CIBAR2: variants seen among roughly 807,000 people sequenced by gnomAD.
The protein encoded by CIBAR2 is CBY1 interacting BAR domain containing 2, also known as CBY1-interacting BAR domain-containing protein 2.
A neutral mutation model predicts 36.2 loss-of-function variants in CIBAR2; 38 were observed. That is an observed-to-expected ratio of 1.05 (90% CI 0.81 to 1.38). CIBAR2 has a LOEUF of 1.38. Among genes scored for constraint, CIBAR2 ranks in the 40% most tolerant of loss-of-function variants. The pLI is 0.00. For missense variants in CIBAR2, 481 were observed against 383.4 expected, an observed-to-expected ratio of 1.25 and a Z score of -2.13; for synonymous variants, 182 against 149.5, an observed-to-expected ratio of 1.22 and a Z score of -1.58.
intron 6 of CIBAR2, among the ~76,000 whole-genome samples, chr16:85,104,430 A>G (rs564736955): frequency 6.6e-6 from 1 of 152,302 alleles, no homozygotes; most frequent in South Asian, 2.1e-4. Flanking sequence ...TCCCTGGGGT[A>G]GGCGCGGTGG....
intron 2 of CIBAR2, among the ~76,000 whole-genome samples, chr16:85,109,997 C>T (rs2074027691): frequency 6.6e-6 from 1 of 152,180 alleles, no homozygotes; most frequent in African/African-American, 2.4e-5. Flanking sequence ...TCCTGGGTTT[C>T]CTTGCTTTGT....
At chr16:85,108,201 G>T in intron 2 of CIBAR2, 102 bp from the exon 3 acceptor site, 1 of 1,127,318 alleles carries the variant, frequency 8.9e-7, no homozygotes, top group Non-Finnish European at 1.3e-6. Flanking sequence ...CGTGTCCAGA[G>T]CTGTGCGGCG....
Position 85,098,897 on chromosome 16 carries a change from T to C in CIBAR2, c.*288A>G. The C allele has an allele frequency of 7.3e-6, 2 of 272,142 alleles. No homozygotes were observed. Among genetic ancestry groups the C allele is most frequent in the Non-Finnish European group, 1.3e-5 (2 of 152,776 alleles). 16.9% of individuals were successfully genotyped at this position (272,142 alleles called of 1,614,324 possible). On this transcript the variant is annotated 3_prime_UTR_variant, in exon 9 of 9. Transcript: ENST00000539556. ...GAGAGGCTAGGAGACTTTCCCAAGG[T>C]CACACCGCCGGGAGCAGTGGGCTCG...
chr16:85,105,208 G>A (rs556164001), intron 6 of CIBAR2, 119 bp downstream of exon 6: 20 of 639,968 alleles, frequency 3.1e-5, no homozygotes, highest in African/African-American at 2.5e-4. Context: ...GTGCTCACAC[G>A]TGTACACAGA....
At position 85,098,524 on chromosome 16, in the gene CIBAR2, T is replaced by C; in HGVS notation, c.*661A>G. On this transcript the variant is annotated 3_prime_UTR_variant, in exon 9 of 9. Transcript: ENST00000539556. The stretch of plus-strand genomic sequence containing the variant: ...GCACACAGCAGAGCCCACCTGAGGA[T>C]CCAAGGCCAGCTAAGTTCTTCTGAC... 1.0e-6 allele frequency: 1 copy of C among 986,172 alleles called. No homozygotes were observed. Among genetic ancestry groups the C allele is most frequent in the Non-Finnish European group, 1.2e-6 (1 of 830,214 alleles). 61.1% of individuals were successfully genotyped at this position (986,172 alleles called of 1,614,324 possible).
chr16:85,098,406 C>G lies in CIBAR2; in HGVS notation c.*779G>C, dbSNP rs545470078. ...AACACCTACTATATGCCAGGCACAG[C>G]GATCCCCCAGAGCAACCTGTGAAGT... On this transcript the variant is annotated 3_prime_UTR_variant, in exon 9 of 9. Transcript: ENST00000539556. 1 of 368,632 alleles carries G rather than the reference C, an allele frequency of 2.7e-6. No homozygotes were observed. The highest frequency in any genetic ancestry group is 1.6e-4 in the East Asian group (1 of 6,116). 22.8% of individuals were successfully genotyped at this position (368,632 alleles called of 1,614,324 possible). A position where few individuals can be genotyped will look rare whatever the true frequency, so the allele number is the denominator to read the frequency against.
intron 5 of CIBAR2, 123 bp downstream of exon 5, chr16:85,107,544 A>G (rs1361637887): frequency 5.4e-6 from 6 of 1,102,584 alleles, no homozygotes; most frequent in African/African-American, 3.1e-5. Context: ...GGCTTTCCCA[A>G]CCTGAGCGCA....
At chr16:85,108,231 C>G (rs553648975) in intron 2 of CIBAR2, 132 bp from the exon 3 acceptor site, 1 of 787,884 alleles carries the variant, frequency 1.3e-6, no homozygotes, top group African/African-American at 1.7e-5. Flanking sequence ...GCGCGAGGTG[C>G]CCTCCCTTTT....
chr16:85,111,975 G>A (rs2074046146), intron 1 of CIBAR2, among the ~76,000 whole-genome samples: 1 of 152,248 alleles, frequency 6.6e-6, no homozygotes, highest in Admixed American at 6.5e-5. Flanking sequence ...GATGGCATGG[G>A]CCGGGGCAGT....
Position 85,098,610 on chromosome 16 carries a change from G to C in CIBAR2, c.*575C>G, listed in dbSNP as rs113000572. 526 of 985,906 alleles carry C rather than the reference G, an allele frequency of 5.3e-4. 1 individual carries two copies. The African/African-American group carries it at 8.2e-3, about 15-fold the overall frequency. The allele number at this position is 985,906 out of a possible 1,614,324, so 61.1% of individuals were successfully genotyped here. A position where few individuals can be genotyped will look rare whatever the true frequency, so the allele number is the denominator to read the frequency against. ...CCAGTGCCCTGAGGTCCTCCACGGG[G>C]GCCTCCTCCATGGAGTTGTCCTCAC... is the stretch of plus-strand genomic sequence containing the variant. On this transcript the variant is annotated 3_prime_UTR_variant, in exon 9 of 9. Coordinates refer to ENST00000539556, the MANE Select transcript of CIBAR2 (RefSeq NM_198491.3).
chr16:85,107,137 A>ACTTTGTC (rs2074002364), intron 5 of CIBAR2, among the ~76,000 whole-genome samples: 1 of 151,414 alleles, frequency 6.6e-6, no homozygotes, highest in South Asian at 2.1e-4. Context: ...ACAGAGCGAG[A>ACTTTGTC]CTTTGTCTCT....
At position 85,112,218 on chromosome 16, in the gene CIBAR2, C is replaced by T. The variant is rs547668357; in HGVS notation, c.20+115G>A. 1.7e-5 allele frequency: 15 copies of T among 872,016 alleles called. No homozygotes were observed. In the East Asian group the frequency reaches 1.8e-4, roughly 10 times the overall value. The allele number at this position is 872,016 out of a possible 1,614,324, so 54.0% of individuals were successfully genotyped here. A position where few individuals can be genotyped will look rare whatever the true frequency, so the allele number is the denominator to read the frequency against. ...ACCGTGGGAGGGAGAGCTCCCCTCA[C>T]CCCCAACCCCCACCCCAAGCAGCAG... On this transcript the variant is annotated intron_variant, in intron 1 of 8. Coordinates refer to ENST00000539556, the MANE Select transcript of CIBAR2 (RefSeq NM_198491.3).
intron 7 of CIBAR2, among the ~76,000 whole-genome samples, chr16:85,101,677 G>GGT (rs112972314): frequency 7.1e-6 from 1 of 139,906 alleles, no homozygotes; most frequent in Non-Finnish European, 1.5e-5. Flanking sequence ...TTTTGTTTTT[G>GGT]TTTTTTTTTT....
At position 85,098,896 on chromosome 16, in the gene CIBAR2, G is replaced by T; in HGVS notation, c.*289C>A. 1 of 271,090 alleles carries T rather than the reference G, an allele frequency of 3.7e-6. No individual in the cohort carries two copies. The highest frequency in any genetic ancestry group is 6.6e-6 in the Non-Finnish European group (1 of 152,092). The allele number at this position is 271,090 out of a possible 1,614,324, so 16.8% of individuals were successfully genotyped here. On this transcript the variant is annotated 3_prime_UTR_variant, in exon 9 of 9. Coordinates refer to ENST00000539556, the MANE Select transcript of CIBAR2 (RefSeq NM_198491.3). ...AGAGAGGCTAGGAGACTTTCCCAAG[G>T]TCACACCGCCGGGAGCAGTGGGCTC...
At chr16:85,101,073 C>T (rs1433861530) in intron 7 of CIBAR2, among the ~76,000 whole-genome samples, 2 of 151,992 alleles carry the variant, frequency 1.3e-5, no homozygotes, top group East Asian at 3.9e-4. Flanking sequence ...GTGACACTCC[C>T]TCTTGGAACC....
Position 85,110,429 on chromosome 16 carries a change from C to T in CIBAR2, c.52G>A (p.Val18Met), listed in dbSNP as rs2074032830. The T allele has an allele frequency of 1.2e-6, 2 of 1,609,188 alleles. No individual in the cohort carries two copies. The highest frequency in any genetic ancestry group is 1.7e-6 in the Non-Finnish European group (2 of 1,177,260). Residue 18 changes from valine (V) to methionine (M), a missense_variant, in exon 2 of 9, where the codon GTG (valine) becomes ATG (methionine). Coordinates refer to ENST00000539556, the MANE Select transcript of CIBAR2 (RefSeq NM_198491.3). Reference protein sequence around the residue: ...DSQVRVMENTVANTEKYFGQF... With the variant: ...DSQVRVMENTMANTEKYFGQF... ...CCAAAGTACTTCTCGGTGTTGGCCA[C>T]GGTATTCTCCATCACCCTCACCTGG...
rs189434414 is a variant in CIBAR2, at chr16:85,100,557, G to A, written c.652-317C>T. On this transcript the variant is annotated intron_variant, in intron 7 of 8. Coordinates refer to ENST00000539556, the MANE Select transcript of CIBAR2 (RefSeq NM_198491.3). ...AGAATATTGTGAAGTGAGTGAATGC[G>A]AGAGAGCCCCTCTGACCTGCATCAA... 4.4e-5 allele frequency among the ~76,000 whole-genome samples: 6 copies of A among 135,708 alleles called. No homozygotes were observed. In the East Asian group the frequency reaches 6.0e-4, roughly 13 times the overall value. 89.0% of individuals were successfully genotyped at this position (135,708 alleles called of 152,430 possible). A position where few individuals can be genotyped will look rare whatever the true frequency, so the allele number is the denominator to read the frequency against.
intron 2 of CIBAR2, among the ~76,000 whole-genome samples, chr16:85,109,907 G>A (rs11864524): frequency 0.17 from 25,274 of 152,080 alleles, 2,241 homozygotes; most frequent in African/African-American, 0.23. Flanking sequence ...CTCCCCACCA[G>A]GATTTCTGTT....
intron 2 of CIBAR2, among the ~76,000 whole-genome samples, chr16:85,109,915 G>T (rs2074027035): frequency 6.6e-6 from 1 of 152,150 alleles, no homozygotes; most frequent in African/African-American, 2.4e-5. Context: ...CAGGATTTCT[G>T]TTCCTTCCCG....
Sources: allele counts gnomAD v4.1 joint callset (sites outside exome capture counted in the v4.1 genomes callset), GRCh38; gene constraint gnomAD v4.1.1; transcripts MANE v1.5; gene names NCBI Gene and HGNC (gene_info 2026-07-23, HGNC 2026-07-21).